The following DLC1 variants were observed in gnomAD, a reference collection of about 807,000 sequenced individuals.
The protein encoded by DLC1 is rho GTPase-activating protein 7.
Under a neutral mutation model 140.3 loss-of-function variants are expected in DLC1, and 54 were observed. The observed-to-expected ratio is 0.38, with a 90% CI of 0.31 to 0.48. DLC1 has a LOEUF of 0.48. Ranked by LOEUF, DLC1 falls within the 20% of genes least tolerant of loss-of-function variation. DLC1 has a pLI of 0.96. For missense variants in DLC1, 2,536 were observed against 1,907.0 expected (o/e 1.33, Z -6.14); for synonymous variants, 986 against 728.1 (o/e 1.35, Z -5.70).
chr8:13,294,652 G>A (rs1213455764), intron 5 of DLC1, among the ~76,000 whole-genome samples: 4 of 152,094 alleles, frequency 2.6e-5, no homozygotes, highest in Non-Finnish European at 5.9e-5. Context: ...AGAAGAGGAT[G>A]GAAAATTAGG....
intron 3 of DLC1, among the ~76,000 whole-genome samples, chr8:13,396,845 C>T (rs575006612): frequency 1.3e-5 from 2 of 152,276 alleles, no homozygotes; most frequent in South Asian, 2.1e-4. Context: ...CATCCGCTCC[C>T]TCCTTTAATT....
intron 2 of DLC1, among the ~76,000 whole-genome samples, chr8:13,406,198 T>TTTTTTTTTTTTC (rs564377892): frequency 7.0e-6 from 1 of 142,576 alleles, no homozygotes; most frequent in African/African-American, 2.7e-5. Flanking sequence ...TTTTTTTTTT[T>TTTTTTTTTTTTC]CAGTGGAGAC....
intron 5 of DLC1, among the ~76,000 whole-genome samples, chr8:13,154,910 T>C (rs2128980448): frequency 6.6e-6 from 1 of 152,296 alleles, no homozygotes; most frequent in Admixed American, 6.5e-5. Flanking sequence ...CAATCACTGT[T>C]TTTTATAAAT....
intron 2 of DLC1, among the ~76,000 whole-genome samples, chr8:13,475,196 C>T (rs570871504): frequency 2.0e-5 from 3 of 152,184 alleles, no homozygotes; most frequent in East Asian, 3.9e-4. Flanking sequence ...ATATTGATTG[C>T]TGTTTTTTCT....
intron 4 of DLC1, among the ~76,000 whole-genome samples, chr8:13,380,751 G>T (rs1057171804): frequency 2.6e-5 from 4 of 152,072 alleles, no homozygotes; most frequent in African/African-American, 7.2e-5. Context: ...AACCCTAAGG[G>T]GACAAATTCG....
chr8:13,200,040 G>C (rs547057819), intron 5 of DLC1, among the ~76,000 whole-genome samples: 4 of 152,088 alleles, frequency 2.6e-5, no homozygotes, highest in African/African-American at 9.6e-5. Flanking sequence ...TATAAGAGAA[G>C]TACTATTATT....
At chr8:13,181,619 G>A (rs1044920833) in intron 5 of DLC1, among the ~76,000 whole-genome samples, 7 of 151,878 alleles carry the variant, frequency 4.6e-5, no homozygotes, top group African/African-American at 1.7e-4. Flanking sequence ...AGTTTGCTGA[G>A]AATGATGGTT....
At chr8:13,091,726 A>G (rs1224327873) in intron 13 of DLC1, among the ~76,000 whole-genome samples, 2 of 152,256 alleles carry the variant, frequency 1.3e-5, no homozygotes, top group African/African-American at 2.4e-5. Flanking sequence ...CTGTGTTTGC[A>G]TGGTGGGGGA....
intron 1 of DLC1, among the ~76,000 whole-genome samples, chr8:13,570,935 C>A (rs1023260581): frequency 2.6e-5 from 4 of 152,156 alleles, no homozygotes; most frequent in Admixed American, 6.5e-5. Context: ...ACTTGCTGGG[C>A]CATGGTGCAG....
intron 6 of DLC1, among the ~76,000 whole-genome samples, chr8:13,114,899 A>G (rs1820421285): frequency 6.6e-6 from 1 of 152,216 alleles, no homozygotes; most frequent in South Asian, 2.1e-4. Flanking sequence ...GAAAATTGGT[A>G]CGGGCACTTT....
At chr8:13,256,870 C>G (rs2117309932) in intron 5 of DLC1, among the ~76,000 whole-genome samples, 1 of 144,824 alleles carries the variant, frequency 6.9e-6, no homozygotes. Context: ...GCACATGTAT[C>G]CCAGAACTTA....
At chr8:13,350,064 T>C (rs1350670811) in intron 4 of DLC1, among the ~76,000 whole-genome samples, 1 of 152,138 alleles carries the variant, frequency 6.6e-6, no homozygotes, top group African/African-American at 2.4e-5. Flanking sequence ...TCTGAAGAAT[T>C]TTAGTGACAT....
intron 5 of DLC1, among the ~76,000 whole-genome samples, chr8:13,265,398 G>A (rs1830643941): frequency 2.6e-5 from 4 of 152,168 alleles, no homozygotes; most frequent in Admixed American, 2.6e-4. Flanking sequence ...GTGTGGGTAG[G>A]TGGTAGAGAT....
At chr8:13,600,453 C>A (rs1213545965) in intron 1 of DLC1, among the ~76,000 whole-genome samples, 2 of 151,688 alleles carry the variant, frequency 1.3e-5, no homozygotes, top group Non-Finnish European at 2.9e-5. Context: ...TAGCTACAAC[C>A]GAAGAGTGTC....
chr8:13,305,339 G>A (rs761876766), intron 4 of DLC1, 37 bp from the exon 5 acceptor site: 14 of 1,551,062 alleles, frequency 9.0e-6, no homozygotes, highest in Middle Eastern at 1.7e-4. Flanking sequence ...GTATTATTAG[G>A]AAGAAACATC....
chr8:13,133,197 A>G (rs930764931), intron 5 of DLC1: 10 of 1,425,686 alleles, frequency 7.0e-6, no homozygotes, highest in Non-Finnish European at 9.1e-6. Flanking sequence ...GAGTTGGGCG[A>G]GAAGTCCGTG....
At chr8:13,594,191 T>G (rs550881113) in intron 1 of DLC1, among the ~76,000 whole-genome samples, 1 of 152,048 alleles carries the variant, frequency 6.6e-6, no homozygotes, top group Admixed American at 6.6e-5. Flanking sequence ...TCTTTTTATA[T>G]GATAGTGATA....
chr8:13,406,181 G>GTTTTTTTGT (rs1837550924), intron 2 of DLC1, among the ~76,000 whole-genome samples: 1 of 84,960 alleles, frequency 1.2e-5, no homozygotes, highest in African/African-American at 4.8e-5. Flanking sequence ...TAATTTTTGT[G>GTTTTTTTGT]TTTTTTTTTT....
At chr8:13,399,928 G>T (rs1414041759) in intron 3 of DLC1, among the ~76,000 whole-genome samples, 3 of 152,116 alleles carry the variant, frequency 2.0e-5, no homozygotes, top group Non-Finnish European at 4.4e-5. Flanking sequence ...GAAGTATGAG[G>T]ATGGGGCAGA....
Sources: allele counts gnomAD v4.1 joint callset (sites outside exome capture counted in the v4.1 genomes callset), GRCh38; gene constraint gnomAD v4.1.1; transcripts MANE v1.5; gene names NCBI Gene and HGNC (gene_info 2026-07-23, HGNC 2026-07-21).